DHRS7B: variants seen among roughly 807,000 people sequenced by gnomAD.
DHRS7B encodes the protein dehydrogenase/reductase 7B.
Under a neutral mutation model 26.4 loss-of-function variants are expected in DHRS7B, and 24 were observed. The ratio of observed to expected loss-of-function variants is 0.91; its 90% CI spans 0.66 to 1.28. DHRS7B has a LOEUF of 1.28. Among genes scored for constraint, DHRS7B ranks in the 50% most tolerant of loss-of-function variants. The pLI is 0.00. For missense variants in DHRS7B, 368 were observed against 419.4 expected (o/e 0.88, Z 1.07); for synonymous variants, 142 against 166.4 (o/e 0.85, Z 1.13).
intron 3 of DHRS7B, among the ~76,000 whole-genome samples, chr17:21,183,322 T>C (rs747130977): frequency 4.6e-5 from 7 of 152,214 alleles, no homozygotes; most frequent in Non-Finnish European, 1.0e-4. Context: ...TTCTAGTTAA[T>C]GCTTTCTCAA....
chr17:21,168,706 G>C (rs997585287), intron 1 of DHRS7B: 1 of 985,188 alleles, frequency 1.0e-6, no homozygotes, highest in African/African-American at 1.7e-5. Context: ...ATTCTGATTC[G>C]ATAGCACTTT....
intron 1 of DHRS7B, among the ~76,000 whole-genome samples, chr17:21,136,702 T>C (rs970875483): frequency 2.0e-5 from 3 of 151,408 alleles, no homozygotes; most frequent in African/African-American, 7.3e-5. Flanking sequence ...ATTACAGGTG[T>C]GTGCCACTAT....
In DHRS7B at chr17:21,126,979, C is replaced by T. The variant is rs1973112055; in HGVS notation, c.8C>T (p.Ser3Phe). The T allele has an allele frequency of 1.3e-6, 2 of 1,535,076 alleles. No individual in the cohort carries two copies. The change falls in exon 1 of 7, where the codon TCT (serine) becomes TTT (phenylalanine). Residue 3 changes from serine to phenylalanine, a missense_variant. Transcript: ENST00000395511. ...GGATGAAGTTGATTGACTATGGTCT[C>T]TCCGGCTACCAGGTAGGGGCTGGGG... MV[S>F]PATRKSLPKV... is the part of the protein sequence containing the mutation.
intron 1 of DHRS7B, among the ~76,000 whole-genome samples, chr17:21,148,025 A>G (rs1032309495): frequency 6.6e-6 from 1 of 152,130 alleles, no homozygotes; most frequent in Admixed American, 6.5e-5. Context: ...AGACCAGCCT[A>G]GGTAACATGG....
In DHRS7B at chr17:21,158,750, G is replaced by A. The variant is rs570961794; in HGVS notation, c.21-13268G>A. ...AAGAATAACCAACTCAATATTGTGGGAGAAACAAGTTAGAGGACTGACGCT... is the reference window on the plus strand; with the variant it reads ...AAGAATAACCAACTCAATATTGTGGAAGAAACAAGTTAGAGGACTGACGCT... On this transcript the variant is annotated intron_variant, in intron 1 of 6. Coordinates refer to ENST00000395511, the MANE Select transcript of DHRS7B (RefSeq NM_015510.5). Among the ~76,000 whole-genome samples, 7 of 152,208 alleles carry A rather than the reference G, an allele frequency of 4.6e-5. No individual in the cohort carries two copies. In the South Asian group the frequency reaches 1.4e-3, roughly 32 times the overall value.
At chr17:21,141,100 T>C (rs781117730) in intron 1 of DHRS7B, among the ~76,000 whole-genome samples, 80 of 152,246 alleles carry the variant, frequency 5.3e-4, no homozygotes, top group Admixed American at 9.2e-4. Context: ...TATATGCGAT[T>C]CCTGGACGAG....
Position 21,179,406 on chromosome 17 carries a change from C to T in DHRS7B, c.309+1064C>T, listed in dbSNP as rs145753813. 3.4e-3 allele frequency among the ~76,000 whole-genome samples: 513 copies of T among 152,180 alleles called. 4 individuals are homozygous for T. The highest frequency in any genetic ancestry group is 0.021 in the East Asian group (107 of 5,168). On this transcript the variant is annotated intron_variant, in intron 3 of 6. Transcript: ENST00000395511. ...CTTGAGGCCAGGAGTTTGAGACCAG[C>T]CTGGCCAACATGACGAAACCCATCT...
chr17:21,131,885 T>G (rs755880921), intron 1 of DHRS7B, among the ~76,000 whole-genome samples: 18 of 152,226 alleles, frequency 1.2e-4, no homozygotes, highest in Non-Finnish European at 2.5e-4. Context: ...ATTAAGAAAC[T>G]ACCATTGCAG....
intron 1 of DHRS7B, among the ~76,000 whole-genome samples, chr17:21,153,082 G>A (rs998757530): frequency 3.6e-4 from 55 of 152,306 alleles, no homozygotes; most frequent in African/African-American, 1.3e-3. Context: ...GATATGGCAG[G>A]AATGCTGGAT....
intron 1 of DHRS7B, among the ~76,000 whole-genome samples, chr17:21,133,751 C>G (rs971358989): frequency 2.0e-5 from 3 of 152,164 alleles, no homozygotes; most frequent in Admixed American, 2.0e-4. Context: ...CCTGAAAGCT[C>G]ATTCTTAGCA....
At chr17:21,184,286 A>G in intron 4 of DHRS7B, 85 bp from the exon 5 acceptor site, 2 of 1,232,620 alleles carry the variant, frequency 1.6e-6, no homozygotes, top group Non-Finnish European at 1.2e-6. Context: ...CTGACTAAAT[A>G]TCAAAAGCAA....
At chr17:21,162,283 T>A (rs1974016708) in intron 1 of DHRS7B, among the ~76,000 whole-genome samples, 1 of 152,200 alleles carries the variant, frequency 6.6e-6, no homozygotes, top group African/African-American at 2.4e-5. Flanking sequence ...TTCGTTTTAG[T>A]GATATTTTGC....
intron 1 of DHRS7B, chr17:21,168,658 T>G: frequency 3.2e-6 from 3 of 951,520 alleles, no homozygotes; most frequent in Non-Finnish European, 3.8e-6. Flanking sequence ...CGCGAGGCAC[T>G]GCGTTTGGCC....
At chr17:21,130,753 C>T (rs1177006851) in intron 1 of DHRS7B, among the ~76,000 whole-genome samples, 1 of 152,140 alleles carries the variant, frequency 6.6e-6, no homozygotes, top group Admixed American at 6.5e-5. Context: ...ACTAGAGCAA[C>T]ATCCATAATG....
At chr17:21,144,173 G>C (rs903844898) in intron 1 of DHRS7B, among the ~76,000 whole-genome samples, 1 of 152,216 alleles carries the variant, frequency 6.6e-6, no homozygotes, top group Non-Finnish European at 1.5e-5. Flanking sequence ...TCTGAGGACA[G>C]ATCATTCCAG....
chr17:21,188,931 T>C (rs2144250210), intron 6 of DHRS7B, 68 bp downstream of exon 6: 5 of 1,578,880 alleles, frequency 3.2e-6, no homozygotes, highest in Non-Finnish European at 4.3e-6. Flanking sequence ...ATGCTGCTCT[T>C]ACTTCAGTGA....
chr17:21,189,433 G>A (rs1297246657), intron 6 of DHRS7B, among the ~76,000 whole-genome samples: 1 of 152,232 alleles, frequency 6.6e-6, no homozygotes, highest in Non-Finnish European at 1.5e-5. Flanking sequence ...GCCAAGCAGA[G>A]ACCAGTGTGC....
chr17:21,147,256 T>C (rs1044341128), intron 1 of DHRS7B, among the ~76,000 whole-genome samples: 1 of 152,180 alleles, frequency 6.6e-6, no homozygotes, highest in Non-Finnish European at 1.5e-5. Flanking sequence ...GTGTGCCTTA[T>C]ATCAGTGAAG....
At chr17:21,174,966 C>T (rs1974341163) in intron 2 of DHRS7B, among the ~76,000 whole-genome samples, 1 of 152,222 alleles carries the variant, frequency 6.6e-6, no homozygotes, top group South Asian at 2.1e-4. Flanking sequence ...CCAGGCCTCA[C>T]TACCCAGGGT....
Sources: gnomAD v4.1 joint callset for allele counts (sites outside exome capture counted in the v4.1 genomes callset) on GRCh38, gnomAD v4.1.1 for gene constraint, MANE v1.5 for transcripts, NCBI Gene and HGNC (gene_info 2026-07-23, HGNC 2026-07-21) for gene names.